Variants in NR3C1 observed in about 807,000 individuals in gnomAD.
NR3C1 encodes the protein nuclear receptor subfamily 3 group C member 1.
A neutral mutation model predicts 74.0 loss-of-function variants in NR3C1; 14 were observed. The ratio of observed to expected loss-of-function variants is 0.19; its 90% CI spans 0.12 to 0.30. The LOEUF is 0.30. Ranked by LOEUF, NR3C1 falls within the 10% of genes least tolerant of loss-of-function variation. The pLI, the probability that NR3C1 is intolerant of heterozygous loss-of-function variation, is 1.00. For missense variants in NR3C1, 695 were observed against 909.8 expected, an observed-to-expected ratio of 0.76 and a Z score of 3.04; for synonymous variants, 308 against 332.5, an observed-to-expected ratio of 0.93 and a Z score of 0.80.
At chr5:143,435,196 T>C in exon 1 of NR3C1, 1 of 985,474 alleles carries the variant, frequency 1.0e-6, no homozygotes, top group African/African-American at 1.7e-5. Flanking sequence ...CCTTTTTTCT[T>C]CTCTTACCCT....
chr5:143,408,513 A>C (rs1358010715), upstream of NR3C1, among the ~76,000 whole-genome samples: 1 of 151,288 alleles, frequency 6.6e-6, no homozygotes, highest in Non-Finnish European at 1.5e-5. Context: ...CTTAATACTG[A>C]AAGTGTTTTA....
chr5:143,428,333 A>G (rs968511229), intron 1 of NR3C1, among the ~76,000 whole-genome samples: 3 of 152,248 alleles, frequency 2.0e-5, no homozygotes, highest in Non-Finnish European at 4.4e-5. Flanking sequence ...AATGGTTCAC[A>G]TGGTGAGTGA....
intron 2 of NR3C1, among the ~76,000 whole-genome samples, chr5:143,330,399 T>C (rs1050598529): frequency 6.6e-6 from 1 of 152,192 alleles, no homozygotes; most frequent in Non-Finnish European, 1.5e-5. Context: ...GTAAATAATA[T>C]TTTCCTTTTT....
intron 2 of NR3C1, among the ~76,000 whole-genome samples, chr5:143,325,108 A>C (rs1279559665): frequency 6.6e-6 from 1 of 152,180 alleles, no homozygotes; most frequent in African/African-American, 2.4e-5. Context: ...TCTTTTCAGC[A>C]ACACCCACTC....
At chr5:143,405,280 T>C (rs1048571656), upstream of NR3C1, 2 of 985,644 alleles carry the variant, frequency 2.0e-6, no homozygotes, top group East Asian at 2.3e-4. Flanking sequence ...GGGCGGGGGC[T>C]GCCGCAGCTC....
At position 143,290,576 on chromosome 5, in the gene NR3C1, T is replaced by C. The variant is rs1815656347; in HGVS notation, c.2023+4884A>G. The stretch of plus-strand genomic sequence containing the variant: ...GGAGCATTCAGTCCATCTCTACATT[T>C]ATTTTATTTTTGAGACAGTGTCCCT... On this transcript the variant is annotated intron_variant, in intron 7 of 8. Transcript: ENST00000394464. Among the ~76,000 whole-genome samples, 3 of 152,188 alleles carry C rather than the reference T, an allele frequency of 2.0e-5. No individual in the cohort carries two copies. The South Asian group carries it at 6.2e-4, about 31-fold the overall frequency.
intron 3 of NR3C1, among the ~76,000 whole-genome samples, chr5:143,312,565 G>A (rs1821197268): frequency 6.6e-6 from 1 of 152,126 alleles, no homozygotes; most frequent in African/African-American, 2.4e-5. Context: ...TGCCAATTTT[G>A]AGGGATAATC....
chr5:143,377,922 C>T (rs1211835980), intron 2 of NR3C1, among the ~76,000 whole-genome samples: 13 of 152,162 alleles, frequency 8.5e-5, no homozygotes, highest in Admixed American at 7.9e-4. Flanking sequence ...CTGAAGTTTC[C>T]GTTGATTTAT....
intron 7 of NR3C1, among the ~76,000 whole-genome samples, chr5:143,293,095 G>GA (rs1479988379): frequency 3.0e-4 from 45 of 152,170 alleles, no homozygotes; most frequent in Non-Finnish European, 1.5e-5. Flanking sequence ...TCCATCCCTT[G>GA]TTTTTAAACT....
At chr5:143,371,826 TA>T (rs887246223) in intron 2 of NR3C1, among the ~76,000 whole-genome samples, 1 of 152,252 alleles carries the variant, frequency 6.6e-6, no homozygotes, top group Non-Finnish European at 1.5e-5. Flanking sequence ...ATTGCTAAGG[TA>T]AAATACTAAT....
rs35039262 is a variant in NR3C1 at position 143,299,005 on chromosome 5, GTTTTTTTTTTT to G, written c.1748-204_1748-194del. ...CTTTAAGACTCACAAACCCTCTTGT[GTTTTTTTTTTT>G]TTTTTTTTTTTTAATTGAGACAAAG... On this transcript the variant is annotated intron_variant, in intron 5 of 8. Transcript: ENST00000394464. Among the ~76,000 whole-genome samples the G allele has an allele frequency of 8.5e-3, 904 of 106,730 alleles. 12 individuals are homozygous for G. Among genetic ancestry groups the G allele is most frequent in the African/African-American group, 0.031 (873 of 28,364 alleles). 70.0% of individuals were successfully genotyped at this position (106,730 alleles called of 152,430 possible).
intron 2 of NR3C1, among the ~76,000 whole-genome samples, chr5:143,350,962 T>C (rs1830128032): frequency 6.6e-6 from 1 of 152,134 alleles, no homozygotes; most frequent in Non-Finnish European, 1.5e-5. Context: ...GAAAGGTCAA[T>C]GTGAATGGAG....
intron 1 of NR3C1, among the ~76,000 whole-genome samples, chr5:143,428,395 C>T (rs1751644033): frequency 1.3e-5 from 2 of 152,160 alleles, no homozygotes; most frequent in African/African-American, 2.4e-5. Context: ...TCAGGTCATA[C>T]CCTTTTCTAA....
At chr5:143,370,276 C>T (rs188736869) in intron 2 of NR3C1, among the ~76,000 whole-genome samples, 7 of 152,274 alleles carry the variant, frequency 4.6e-5, no homozygotes, top group Non-Finnish European at 7.4e-5. Flanking sequence ...CTTTATAGCA[C>T]CTTGGAATAG....
At chr5:143,302,748 C>A (rs1818775358) in intron 4 of NR3C1, among the ~76,000 whole-genome samples, 1 of 151,942 alleles carries the variant, frequency 6.6e-6, no homozygotes, top group Non-Finnish European at 1.5e-5. Flanking sequence ...AGAAATAATA[C>A]TAATTAATTT....
chr5:143,327,149 G>C (rs1349061713), intron 2 of NR3C1, among the ~76,000 whole-genome samples: 2 of 152,140 alleles, frequency 1.3e-5, no homozygotes, highest in African/African-American at 4.8e-5. Flanking sequence ...GTTCTGCATG[G>C]CTGGGGAGGC....
chr5:143,425,783 A>G (rs1312528068), intron 1 of NR3C1, among the ~76,000 whole-genome samples: 1 of 152,222 alleles, frequency 6.6e-6, no homozygotes, highest in African/African-American at 2.4e-5. Context: ...CGAAATTATA[A>G]AATGGTTCAG....
chr5:143,350,581 C>T (rs1345764917), intron 2 of NR3C1, among the ~76,000 whole-genome samples: 1 of 152,030 alleles, frequency 6.6e-6, no homozygotes, highest in Non-Finnish European at 1.5e-5. Context: ...AGAAAAGATA[C>T]CCAGTTAGAT....
chr5:143,307,138 C>T (rs1330664736), intron 4 of NR3C1, among the ~76,000 whole-genome samples: 1 of 152,116 alleles, frequency 6.6e-6, no homozygotes, highest in Non-Finnish European at 1.5e-5. Context: ...CCTCGTGATC[C>T]ACCTGCCTAG....
Sources: allele counts gnomAD v4.1 joint callset (sites outside exome capture counted in the v4.1 genomes callset), GRCh38; gene constraint gnomAD v4.1.1; transcripts MANE v1.5; gene names NCBI Gene and HGNC (gene_info 2026-07-23, HGNC 2026-07-21).